TMPRSS11E: variants seen among roughly 807,000 people sequenced by gnomAD.
The protein encoded by TMPRSS11E is transmembrane protease serine 11E.
Under a neutral mutation model 48.1 loss-of-function variants are expected in TMPRSS11E, and 38 were observed. The ratio of observed to expected loss-of-function variants is 0.79; its 90% CI spans 0.61 to 1.04. The LOEUF (loss-of-function observed/expected upper bound fraction) is 1.04. Among genes scored for constraint, TMPRSS11E ranks in the 50% least tolerant of loss-of-function variants. The pLI is 0.00. For missense variants in TMPRSS11E, 530 were observed against 510.8 expected (o/e 1.04, Z -0.36); for synonymous variants, 158 against 171.9 (o/e 0.92, Z 0.63).
intron 9 of TMPRSS11E, among the ~76,000 whole-genome samples, chr4:68,489,741 T>C (rs1729663583): frequency 6.6e-6 from 1 of 152,190 alleles, no homozygotes; most frequent in African/African-American, 2.4e-5. Context: ...TGCTGCAAGT[T>C]TGTGTAGCCA....
At chr4:68,458,796 G>A (rs1375633236) in intron 1 of TMPRSS11E, among the ~76,000 whole-genome samples, 1 of 152,052 alleles carries the variant, frequency 6.6e-6, no homozygotes, top group East Asian at 1.9e-4. Flanking sequence ...ACTGGGAAAA[G>A]AACAAATAAT....
In TMPRSS11E at chr4:68,451,766, C is replaced by T. The variant is rs528542308; in HGVS notation, c.11+4243C>T. On this transcript the variant is annotated intron_variant, in intron 1 of 9. Coordinates refer to ENST00000305363, the MANE Select transcript of TMPRSS11E (RefSeq NM_014058.4). ...CAACCTATGGTTATATTATCATACT[C>T]ATTTTACAGATGAGAAAAATGAGGC... Among the ~76,000 whole-genome samples the T allele has an allele frequency of 5.9e-5, 9 of 151,974 alleles. No homozygotes were observed. The South Asian group carries it at 6.2e-4, about 10-fold the overall frequency.
rs1182273210 is a variant in TMPRSS11E at position 68,482,775 on chromosome 4, GA to G, written c.1110+3795del. ...TGACACAGAAAGACTTCATCTTGGGGAAAAAAAAAAAGTCTGAAGTCCAAAG... is the reference window on the plus strand; with the variant it reads ...TGACACAGAAAGACTTCATCTTGGGGAAAAAAAAAAGTCTGAAGTCCAAAG... On this transcript the variant is annotated intron_variant, in intron 9 of 9. Coordinates refer to ENST00000305363, the MANE Select transcript of TMPRSS11E (RefSeq NM_014058.4). 6.1e-3 allele frequency among the ~76,000 whole-genome samples: 887 copies of G among 145,064 alleles called. 12 individuals are homozygous for G. Among genetic ancestry groups the G allele is most frequent in the African/African-American group, 0.016 (622 of 39,660 alleles).
At chr4:68,462,722 A>C (rs1466024518) in intron 2 of TMPRSS11E, among the ~76,000 whole-genome samples, 1 of 152,212 alleles carries the variant, frequency 6.6e-6, no homozygotes, top group Admixed American at 6.5e-5. Context: ...TTGTTGAGTA[A>C]GTGCCTATTT....
chr4:68,458,677 A>G (rs1469965243), intron 1 of TMPRSS11E, among the ~76,000 whole-genome samples: 1 of 152,186 alleles, frequency 6.6e-6, no homozygotes, highest in Non-Finnish European at 1.5e-5. Flanking sequence ...GGAATTCAGT[A>G]TTGAATCACT....
At chr4:68,463,466 T>C (rs956985415) in intron 2 of TMPRSS11E, among the ~76,000 whole-genome samples, 2 of 152,098 alleles carry the variant, frequency 1.3e-5, no homozygotes, top group African/African-American at 4.8e-5. Flanking sequence ...CACACCCGGC[T>C]AATTTTTTCT....
chr4:68,496,721 G>A lies in TMPRSS11E; in HGVS notation c.1189G>A (p.Glu397Lys). The A allele has an allele frequency of 6.2e-7, 1 of 1,613,720 alleles. No homozygotes were observed. The highest frequency in any genetic ancestry group is 8.5e-7 in the Non-Finnish European group (1 of 1,179,692). The change falls in exon 10 of 10, where the codon GAA (glutamate) becomes AAA (lysine). Residue 397 changes from glutamate (E) to lysine (K), a missense_variant. Coordinates refer to ENST00000305363, the MANE Select transcript of TMPRSS11E (RefSeq NM_014058.4). Reference sequence around the variant, plus strand: ...TGCTGGAATAGTGAGCTGGGGAGATGAATGTGCGAAACCCAACAAGCCTGG... The same window carrying A: ...TGCTGGAATAGTGAGCTGGGGAGATAAATGTGCGAAACCCAACAAGCCTGG... ...YLAGIVSWGD[E>K]CAKPNKPGVY... is the part of the protein sequence containing the mutation.
At chr4:68,485,173 G>A (rs1310307130) in intron 9 of TMPRSS11E, among the ~76,000 whole-genome samples, 1 of 151,984 alleles carries the variant, frequency 6.6e-6, no homozygotes, top group Non-Finnish European at 1.5e-5. Flanking sequence ...TTGAGACAGA[G>A]TCTCGCTTTG....
In TMPRSS11E at chr4:68,485,520, G is replaced by A. The variant is rs139014252; in HGVS notation, c.1110+6529G>A. On this transcript the variant is annotated intron_variant, in intron 9 of 9. Transcript: ENST00000305363. ...AAGACTACATTACTGTGGTGGATAA[G>A]CTTTTTGATGTGCTGCTGGATTTGG... Among the ~76,000 whole-genome samples the A allele has an allele frequency of 3.1e-3, 478 of 152,260 alleles. 5 individuals are homozygous for A. Among genetic ancestry groups the A allele is most frequent in the African/African-American group, 0.011 (448 of 41,544 alleles).
chr4:68,450,361 A>G (rs1460137057), intron 1 of TMPRSS11E, among the ~76,000 whole-genome samples: 1 of 151,912 alleles, frequency 6.6e-6, no homozygotes, highest in Non-Finnish European at 1.5e-5. Context: ...ATTCCTTTTA[A>G]AAGATGAAGC....
chr4:68,471,200 A>G (rs1413538345), intron 4 of TMPRSS11E, among the ~76,000 whole-genome samples: 1 of 151,694 alleles, frequency 6.6e-6, no homozygotes, highest in African/African-American at 2.4e-5. Context: ...AGAAAAAAGC[A>G]GATTGTGATA....
intron 2 of TMPRSS11E, among the ~76,000 whole-genome samples, chr4:68,464,177 A>G (rs1161100493): frequency 6.6e-6 from 1 of 152,180 alleles, no homozygotes; most frequent in African/African-American, 2.4e-5. Flanking sequence ...CTGTTTTGGG[A>G]TGTAAACTAA....
At chr4:68,454,729 A>C (rs992693905) in intron 1 of TMPRSS11E, among the ~76,000 whole-genome samples, 3 of 151,964 alleles carry the variant, frequency 2.0e-5, no homozygotes, top group Non-Finnish European at 2.9e-5. Flanking sequence ...AGTGCTTTCT[A>C]AGGAAACAGC....
intron 7 of TMPRSS11E, 82 bp from the exon 8 acceptor site, chr4:68,477,287 C>T: frequency 7.4e-7 from 1 of 1,352,252 alleles, no homozygotes. Context: ...AAATCTACAC[C>T]TGTAGACTAA....
intron 1 of TMPRSS11E, among the ~76,000 whole-genome samples, chr4:68,448,163 G>T (rs1424158632): frequency 1.3e-5 from 2 of 151,976 alleles, no homozygotes; most frequent in African/African-American, 2.4e-5. Flanking sequence ...TACTAGTTTT[G>T]TCTTTGAAAA....
At chr4:68,491,256 G>C (rs1490798882) in intron 9 of TMPRSS11E, among the ~76,000 whole-genome samples, 1 of 137,902 alleles carries the variant, frequency 7.3e-6, no homozygotes, top group African/African-American at 2.7e-5. Flanking sequence ...TTGTTGGCAG[G>C]TTGCCAGGTT....
intron 9 of TMPRSS11E, among the ~76,000 whole-genome samples, chr4:68,485,075 T>C (rs1216552590): frequency 2.0e-5 from 3 of 152,198 alleles, no homozygotes; most frequent in African/African-American, 2.4e-5. Context: ...TGATGTTGGT[T>C]ATGGGGTTGT....
intron 1 of TMPRSS11E, among the ~76,000 whole-genome samples, chr4:68,455,367 A>C (rs1269439014): frequency 6.6e-6 from 1 of 151,982 alleles, no homozygotes; most frequent in East Asian, 1.9e-4. Flanking sequence ...ATTTTTTAAC[A>C]TGTGAAGAAA....
chr4:68,464,305 G>C (rs1728871708), intron 2 of TMPRSS11E, among the ~76,000 whole-genome samples: 1 of 152,222 alleles, frequency 6.6e-6, no homozygotes, highest in East Asian at 1.9e-4. Context: ...AATCAGATTT[G>C]GAAAAATATC....
Sources: allele counts gnomAD v4.1 joint callset (sites outside exome capture counted in the v4.1 genomes callset), GRCh38; gene constraint gnomAD v4.1.1; transcripts MANE v1.5; gene names NCBI Gene and HGNC (gene_info 2026-07-23, HGNC 2026-07-21).